Variants in RYR1 observed in about 807,000 individuals in gnomAD.
The protein encoded by RYR1 is ryanodine receptor 1.
RYR1 carries 342 observed loss-of-function variants against 583.5 expected under a neutral mutation model. The observed-to-expected ratio is 0.59, with a 90% CI of 0.54 to 0.64. RYR1 has a LOEUF of 0.64. Ranked by LOEUF, RYR1 falls within the 30% of genes least tolerant of loss-of-function variation. The pLI is 0.00. For synonymous variants in RYR1, 2,791 were observed against 2,822.5 expected, an observed-to-expected ratio of 0.99 and a Z score of 0.35; for missense variants, 6,032 against 6,917.2, an observed-to-expected ratio of 0.87 and a Z score of 4.54.
intron 27 of RYR1, among the ~76,000 whole-genome samples, chr19:38,472,289 T>C (rs1375467464): frequency 6.6e-6 from 1 of 152,006 alleles, no homozygotes; most frequent in Non-Finnish European, 1.5e-5. Context: ...TTAGTACAGA[T>C]GAGGTTTCAC....
chr19:38,500,935 A>G lies in RYR1; in HGVS notation c.7559A>G (p.His2520Arg). The G allele has an allele frequency of 1.2e-6, 2 of 1,613,992 alleles. No individual in the cohort carries two copies. Among genetic ancestry groups the G allele is most frequent in the Non-Finnish European group, 8.5e-7 (1 of 1,179,998 alleles). ...ATCGAGAACCAGGACTTCTTGCTGC[A>G]CGTGCTGGACGTGGGGTTCCTGCCC... ...YGIENQDFLL[H>R]VLDVGFLPDM... The change falls in exon 47 of 106, where the codon CAC (histidine) becomes CGC (arginine). Residue 2520 changes from histidine to arginine, a missense_variant. Physicochemically the swap from His to Arg is conservative, Grantham distance 29. This residue lies in a region of RYR1 where 2,627 missense variants were observed against 2,961.3 expected (regional missense o/e 0.89). Transcript: ENST00000359596. The surrounding 1 kb of genome is among the most constrained non-coding windows in gnomAD (Gnocchi z 5.9).
At chr19:38,498,639 G>A (rs903720895) in intron 42 of RYR1, among the ~76,000 whole-genome samples, 4 of 152,194 alleles carry the variant, frequency 2.6e-5, no homozygotes, top group Admixed American at 1.3e-4. Flanking sequence ...AGCATAACAA[G>A]GGGTGGATTA....
chr19:38,434,657 G>A (rs1050891698), intron 1 of RYR1, among the ~76,000 whole-genome samples: 1 of 152,152 alleles, frequency 6.6e-6, no homozygotes, highest in Admixed American at 6.5e-5. Context: ...CAGAATAGCC[G>A]GCTTTTCTGG....
rs1285547623 is a variant in RYR1, at chr19:38,502,589, C to T, written c.7697C>T (p.Ala2566Val). The change falls in exon 48 of 106, where the codon GCG becomes GTG. Residue 2566 changes from alanine to valine, a missense_variant. Ala to Val is a moderately conservative substitution (Grantham distance 64). This residue lies in a region of RYR1 where 250 missense variants were observed against 162.3 expected (regional missense o/e 1.54). Transcript: ENST00000359596. ...GTGCTGCCGCTCATCACCAAGTGTG[C>T]GCCGCTCTTTGCGGGCACAGAACAC... The part of the protein sequence containing the change: ...LAVLPLITKC[A>V]PLFAGTEHRA... 4.3e-6 allele frequency: 7 copies of T among 1,612,494 alleles called. No homozygotes were observed. Among genetic ancestry groups the T allele is most frequent in the Non-Finnish European group, 5.1e-6 (6 of 1,179,878 alleles).
Position 38,455,542 on chromosome 19 carries a change from G to A in RYR1, c.1668G>A (p.Ser556=), listed in dbSNP as rs2288888. 1,053,946 of 1,613,334 alleles carry A rather than the reference G, an allele frequency of 0.65. 347,615 individuals carry two copies. The highest frequency in any genetic ancestry group is 0.7 in the Middle Eastern group (4,217 of 6,062). Residue 556 remains serine, a synonymous_variant, in exon 15 of 106, where the codon TCG becomes TCA. Transcript: ENST00000359596. ...GCAAGCTGGATCGGCTGGAGGCCTC[G>A]TCTGGTAGGAGAACCCGGGGGAGTG... ...LVSKLDRLEA[S]SGILEVLYCV... is the part of the protein sequence containing the mutation.
In RYR1 at chr19:38,577,793, C is replaced by CA. The variant is rs111471835; in HGVS notation, c.14173-114dup. 0.083 allele frequency: 81,995 copies of CA among 992,702 alleles called. 2,228 individuals are homozygous for CA. The highest frequency in any genetic ancestry group is 0.29 in the African/African-American group (17,719 of 61,158). The allele number at this position is 992,702 out of a possible 1,614,324, so 61.5% of individuals were successfully genotyped here. A position where few individuals can be genotyped will look rare whatever the true frequency, so the allele number is the denominator to read the frequency against. On this transcript the variant is annotated intron_variant, in intron 97 of 105. Transcript: ENST00000359596. ...CCTGGGTGACAGAGGGAGACTGTCT[C>CA]AAAAAAAAAAATGCACCTCCCATTT...
intron 58 of RYR1, among the ~76,000 whole-genome samples, chr19:38,509,444 ATTATTAT>A (rs1333678548): frequency 2.4e-5 from 3 of 126,856 alleles, no homozygotes; most frequent in Non-Finnish European, 4.9e-5. Context: ...TATTATTATT[ATTATTAT>A]TTTTTTTTTT....
rs1131691504 is a variant in RYR1, at chr19:38,565,175, G to A, written c.12841G>A (p.Gly4281Arg). ...GAEGAEEGAAGLEGTAATAAA... is the reference protein window; with the variant it reads ...GAEGAEEGAARLEGTAATAAA... ...GGAAGGCGCGGAGGAGGGCGCGGCG[G>A]GGCTCGAGGGCACGGCGGCCACGGC... The change falls in exon 91 of 106, where the codon GGG becomes AGG. Residue 4281 changes from glycine to arginine, a missense_variant. This residue lies in a region of RYR1 where 753 missense variants were observed against 759.6 expected (regional missense o/e 0.99). Transcript: ENST00000359596. The surrounding 1 kb of genome is among the most constrained non-coding windows in gnomAD (Gnocchi z 4.7). 5 of 1,196,474 alleles carry A rather than the reference G, an allele frequency of 4.2e-6. No individual in the cohort carries two copies. The highest frequency in any genetic ancestry group is 3.3e-4 in the Middle Eastern group (1 of 3,012). 74.1% of individuals were successfully genotyped at this position (1,196,474 alleles called of 1,614,324 possible).
In RYR1 at chr19:38,496,193, C is replaced by T. The variant is rs370050656; in HGVS notation, c.6549-22C>T. The T allele has an allele frequency of 1.0e-4, 164 of 1,605,338 alleles. 1 individual carries two copies. Among genetic ancestry groups the T allele is most frequent in the Admixed American group, 4.2e-4 (25 of 60,018 alleles). On this transcript the variant is annotated intron_variant, in intron 39 of 105. Transcript: ENST00000359596. This position sits in a 1 kb window ranked among gnomAD's most constrained non-coding sequence, Gnocchi z 4.8. ...TCCGGACCTGGGCCCCTGGTGACCC[C>T]GCACACTCTGCCCGTGCACAGGAAC...
intron 76 of RYR1, among the ~76,000 whole-genome samples, chr19:38,531,596 CAGTGGAA>C (rs375898321): frequency 3.2e-3 from 493 of 152,192 alleles, no homozygotes; most frequent in Non-Finnish European, 5.6e-3. Flanking sequence ...TTAGCATCCC[CAGTGGAA>C]AGGGAGTGCC....
intron 101 of RYR1, 84 bp from the exon 102 acceptor site, chr19:38,584,859 C>T: frequency 6.5e-7 from 1 of 1,548,496 alleles, no homozygotes; most frequent in Non-Finnish European, 8.9e-7. Flanking sequence ...GTTACCATGT[C>T]TTCAGCCCTG....
intron 11 of RYR1, among the ~76,000 whole-genome samples, chr19:38,449,671 C>T (rs1347242998): frequency 6.6e-6 from 1 of 152,216 alleles, no homozygotes; most frequent in Non-Finnish European, 1.5e-5. Flanking sequence ...TAGTGAAGTA[C>T]ATAGTTTTAC....
At chr19:38,560,547 G>A (rs1337460052) in intron 89 of RYR1, among the ~76,000 whole-genome samples, 1 of 151,276 alleles carries the variant, frequency 6.6e-6, no homozygotes, top group Non-Finnish European at 1.5e-5. Context: ...TGGCCAACAT[G>A]ATGAAACCCT....
chr19:38,478,308 C>G, intron 30 of RYR1, 127 bp from the exon 31 acceptor site: 1 of 1,022,496 alleles, frequency 9.8e-7, no homozygotes, highest in Admixed American at 1.9e-5. Context: ...GCTCTCAGGT[C>G]TGCAGGCGGT....
intron 89 of RYR1, among the ~76,000 whole-genome samples, chr19:38,559,209 C>T (rs1162400603): frequency 6.6e-6 from 1 of 151,144 alleles, no homozygotes; most frequent in Non-Finnish European, 1.5e-5. Context: ...GTCCCAGGCG[C>T]CTGTGGAGAG....
rs571665245 is a variant in RYR1, at chr19:38,443,461, C to T, written c.271-97C>T. 3.8e-4 allele frequency: 405 copies of T among 1,077,646 alleles called. 3 individuals carry two copies. The South Asian group carries it at 5.1e-3, about 14-fold the overall frequency. 66.8% of individuals were successfully genotyped at this position (1,077,646 alleles called of 1,614,324 possible). ...CTCTAGGCCTGAGCATGGTATTTTACAGGGAGCATCTTGTCACCTGTGACT... is the reference window on the plus strand; with the variant it reads ...CTCTAGGCCTGAGCATGGTATTTTATAGGGAGCATCTTGTCACCTGTGACT... On this transcript the variant is annotated intron_variant, in intron 3 of 105. Transcript: ENST00000359596.
chr19:38,495,866 G>A (rs1389324893), intron 39 of RYR1, among the ~76,000 whole-genome samples: 2 of 152,168 alleles, frequency 1.3e-5, no homozygotes, highest in East Asian at 1.9e-4. Context: ...GGGTTCAAGC[G>A]ATTCTCCCAC....
intron 84 of RYR1, among the ~76,000 whole-genome samples, chr19:38,539,672 A>T (rs969177920): frequency 6.6e-6 from 1 of 152,186 alleles, no homozygotes; most frequent in Non-Finnish European, 1.5e-5. Context: ...GTCTCCCAAC[A>T]TATTTGCAAC....
intron 31 of RYR1, among the ~76,000 whole-genome samples, chr19:38,482,806 G>A (rs1969077773): frequency 6.6e-6 from 1 of 152,146 alleles, no homozygotes. Context: ...AGTGCGGGGT[G>A]TGATGTGTGC....
Sources: gnomAD v4.1 joint callset for allele counts (sites outside exome capture counted in the v4.1 genomes callset) on GRCh38, gnomAD v4.1.1 for gene constraint, gnomAD v4.1.1 regional missense constraint, Gnocchi (gnomAD v3.1) non-coding constraint, MANE v1.5 for transcripts, NCBI Gene and HGNC (gene_info 2026-07-23, HGNC 2026-07-21) for gene names.